CDH4: variants seen among roughly 807,000 people sequenced by gnomAD.
The protein encoded by CDH4 is cadherin-4.
A neutral mutation model predicts 86.0 loss-of-function variants in CDH4; 33 were observed. The observed-to-expected ratio is 0.38, with a 90% CI of 0.29 to 0.51. CDH4 has a LOEUF of 0.51. Among genes scored for constraint, CDH4 ranks in the 20% least tolerant of loss-of-function variants. The pLI, the probability that CDH4 is intolerant of heterozygous loss-of-function variation, is 0.86. For synonymous variants in CDH4, 555 were observed against 549.4 expected (o/e 1.01, Z -0.14); for missense variants, 1,114 against 1,307.4 (o/e 0.85, Z 2.28).
rs567800073 is a variant in CDH4 at position 61,754,544 on chromosome 20, C to T, written c.396+10755C>T. Reference sequence around the variant, plus strand: ...CCCTGGGGAGAGGAGGGATGAGGAACGGGTGCCATTCCAAGGGCAGCAGCA... The same window carrying T: ...CCCTGGGGAGAGGAGGGATGAGGAATGGGTGCCATTCCAAGGGCAGCAGCA... On this transcript the variant is annotated intron_variant, in intron 3 of 15. Transcript: ENST00000614565. This position sits in a 1 kb window ranked among gnomAD's most constrained non-coding sequence, Gnocchi z 4.7. Among the ~76,000 whole-genome samples the T allele has an allele frequency of 1.3e-5, 2 of 151,582 alleles. No individual in the cohort carries two copies. Among genetic ancestry groups the T allele is most frequent in the African/African-American group, 4.9e-5 (2 of 40,926 alleles).
chr20:61,537,857 C>A (rs532544747), intron 2 of CDH4, among the ~76,000 whole-genome samples: 11 of 151,922 alleles, frequency 7.2e-5, no homozygotes, highest in Non-Finnish European at 1.6e-4. Flanking sequence ...AGAAACATCA[C>A]AGCGCCATGA....
chr20:61,400,022 C>T (rs543070751), intron 2 of CDH4, among the ~76,000 whole-genome samples: 68 of 152,300 alleles, frequency 4.5e-4, no homozygotes, highest in African/African-American at 1.6e-3. Flanking sequence ...TTTTTCAAAC[C>T]AGTCCCCCTT....
At chr20:61,900,021 C>A (rs1985311644) in intron 8 of CDH4, among the ~76,000 whole-genome samples, 1 of 152,222 alleles carries the variant, frequency 6.6e-6, no homozygotes, top group Non-Finnish European at 1.5e-5. Context: ...AGGATGCTGC[C>A]TGCGGTCCCT....
chr20:61,736,583 G>A (rs773150944), intron 2 of CDH4, among the ~76,000 whole-genome samples: 3 of 151,808 alleles, frequency 2.0e-5, no homozygotes, highest in Non-Finnish European at 2.9e-5. Context: ...TATGTCATGC[G>A]AATGGATGAA....
chr20:61,276,035 T>C (rs1275104393), intron 2 of CDH4, among the ~76,000 whole-genome samples: 1 of 152,210 alleles, frequency 6.6e-6, no homozygotes, highest in Non-Finnish European at 1.5e-5. Context: ...GGGTTCGTTA[T>C]GCAGGAGCAC....
chr20:61,901,225 G>GA, intron 8 of CDH4, among the ~76,000 whole-genome samples: 2 of 146,038 alleles, frequency 1.4e-5, no homozygotes, highest in African/African-American at 5.5e-5. Context: ...GGAGGAGTAG[G>GA]GGCAGGGGCA....
rs536866466 is a variant in CDH4, at chr20:61,709,435, C to T, written c.170-34128C>T. ...GATTACAGGCGGGTGCCACCATGCC[C>T]GGCTATTTTTTTCTATTTTTAGGAG... On this transcript the variant is annotated intron_variant, in intron 2 of 15. Coordinates refer to ENST00000614565, the MANE Select transcript of CDH4 (RefSeq NM_001794.5). This position sits in a 1 kb window ranked among gnomAD's most constrained non-coding sequence, Gnocchi z 4.8. 2.3e-4 allele frequency among the ~76,000 whole-genome samples: 35 copies of T among 152,100 alleles called. No homozygotes were observed. The highest frequency in any genetic ancestry group is 7.7e-4 in the African/African-American group (32 of 41,490).
At chr20:61,379,420 G>A (rs993742755) in intron 2 of CDH4, among the ~76,000 whole-genome samples, 3 of 152,006 alleles carry the variant, frequency 2.0e-5, no homozygotes, top group African/African-American at 7.2e-5. Flanking sequence ...TACCAAGCAG[G>A]ATGGAATAGT....
At chr20:61,600,100 C>T in intron 2 of CDH4, 2 of 295,562 alleles carry the variant, frequency 6.8e-6, no homozygotes, top group Non-Finnish European at 1.0e-5. Context: ...AACCAGCTGG[C>T]TCCTCGGATG....
intron 2 of CDH4, among the ~76,000 whole-genome samples, chr20:61,541,009 G>A (rs1463576896): frequency 6.6e-6 from 1 of 152,170 alleles, no homozygotes; most frequent in Non-Finnish European, 1.5e-5. Flanking sequence ...ATGGAAGAGT[G>A]GGTGAGAGGA....
At chr20:61,604,638 T>G (rs530072904) in intron 2 of CDH4, among the ~76,000 whole-genome samples, 1 of 152,270 alleles carries the variant, frequency 6.6e-6, no homozygotes, top group East Asian at 1.9e-4. Context: ...TGATGTTTGT[T>G]CTTACTGACG....
intron 3 of CDH4, among the ~76,000 whole-genome samples, chr20:61,752,329 CAA>C (rs34828485): frequency 0.2 from 16,391 of 82,914 alleles, 694 homozygotes; most frequent in South Asian, 0.39. Flanking sequence ...AAAAGCCTGT[CAA>C]AAAAAAAAAA....
intron 2 of CDH4, among the ~76,000 whole-genome samples, chr20:61,565,194 T>A (rs1345234180): frequency 1.9e-5 from 1 of 52,224 alleles, no homozygotes; most frequent in South Asian, 8.2e-4. Context: ...GTGGTCCTCT[T>A]GGTGGTGGTC....
At chr20:61,894,763 G>A in intron 7 of CDH4, 147 bp from the exon 8 acceptor site, 1 of 806,150 alleles carries the variant, frequency 1.2e-6, no homozygotes, top group Non-Finnish European at 1.9e-6. Flanking sequence ...GCTTGGAAAG[G>A]GCCCTGCGCC....
intron 7 of CDH4, among the ~76,000 whole-genome samples, chr20:61,893,820 A>G: frequency 5.3e-5 from 7 of 131,124 alleles, no homozygotes; most frequent in African/African-American, 1.2e-4. Flanking sequence ...GAATAGAGGG[A>G]TGGTGGATGT....
intron 2 of CDH4, among the ~76,000 whole-genome samples, chr20:61,262,299 G>T (rs2084132200): frequency 6.6e-6 from 1 of 152,188 alleles, no homozygotes; most frequent in Non-Finnish European, 1.5e-5. Context: ...CTGGGTGTCT[G>T]CAGAGATCTC....
chr20:61,936,711 C>T (rs1034108969), intron 15 of CDH4, 26 bp from the exon 16 acceptor site: 37 of 1,507,586 alleles, frequency 2.5e-5, no homozygotes, highest in Non-Finnish European at 3.1e-5. Context: ...CGTCCTGCAC[C>T]CTAACTCTGT....
At chr20:61,325,956 G>A (rs983824238) in intron 2 of CDH4, among the ~76,000 whole-genome samples, 9 of 152,158 alleles carry the variant, frequency 5.9e-5, no homozygotes, top group African/African-American at 1.7e-4. Context: ...CCAGCTTCTC[G>A]CTCTCCCTGA....
chr20:61,893,220 T>G lies in CDH4; in HGVS notation c.1051-1690T>G, dbSNP rs1178171074. ...ATGGGTGGCTGAATAGAGGGATAGA[T>G]GGATGGGTGACCACAGGGATGGTGG... On this transcript the variant is annotated intron_variant, in intron 7 of 15. Coordinates refer to ENST00000614565, the MANE Select transcript of CDH4 (RefSeq NM_001794.5). Among the ~76,000 whole-genome samples, 3 of 110,850 alleles carry G rather than the reference T, an allele frequency of 2.7e-5. 1 individual carries two copies. Among genetic ancestry groups the G allele is most frequent in the African/African-American group, 1.1e-4 (3 of 28,236 alleles). The allele number at this position is 110,850 out of a possible 152,430, so 72.7% of individuals were successfully genotyped here. A position where few individuals can be genotyped will look rare whatever the true frequency, so the allele number is the denominator to read the frequency against.
Sources: gnomAD v4.1 joint callset for allele counts (sites outside exome capture counted in the v4.1 genomes callset) on GRCh38, gnomAD v4.1.1 for gene constraint, Gnocchi (gnomAD v3.1) non-coding constraint, MANE v1.5 for transcripts, NCBI Gene and HGNC (gene_info 2026-07-23, HGNC 2026-07-21) for gene names.